ITIH4: variants seen among roughly 807,000 people sequenced by gnomAD.
ITIH4 encodes inter-alpha-trypsin inhibitor heavy chain 4.
A neutral mutation model predicts 111.8 loss-of-function variants in ITIH4; 79 were observed. The observed-to-expected ratio is 0.71, with a 90% CI of 0.59 to 0.85. ITIH4 has a LOEUF of 0.85. ITIH4 is among the 40% of genes least tolerant of loss of function. The pLI, the probability that ITIH4 is intolerant of heterozygous loss-of-function variation, is 0.00. For missense variants in ITIH4, 1,065 were observed against 1,195.8 expected (o/e 0.89, Z 1.61); for synonymous variants, 472 against 468.3 (o/e 1.01, Z -0.10).
At position 52,816,910 on chromosome 3, in the gene ITIH4, C is replaced by G; in HGVS notation, c.2445G>C (p.Lys815Asn). 1 of 1,613,994 alleles carries G rather than the reference C, an allele frequency of 6.2e-7. No homozygotes were observed. ...CGGGCATCACTGAGAATAGCGTCTC[C>G]TTCCACTTGTACGCAGAGCTTCTTC... ...RNRRSSAYKW[K>N]ETLFSVMPGL... Residue 815 changes from lysine to asparagine, a missense_variant, in exon 21 of 24, where the codon AAG (lysine) becomes AAC (asparagine). Transcript: ENST00000266041.
chr3:52,813,651 C>T (rs111263930), intron 23 of ITIH4, among the ~76,000 whole-genome samples, 161 bp from the exon 24 acceptor site: 28 of 152,298 alleles, frequency 1.8e-4, no homozygotes, highest in Middle Eastern at 3.4e-3. Context: ...TCACCCAGAG[C>T]ATTACCCTAG....
At chr3:52,813,641 T>A in intron 23 of ITIH4, 151 bp from the exon 24 acceptor site, 1 of 723,322 alleles carries the variant, frequency 1.4e-6, no homozygotes. Flanking sequence ...CAAGGCCCAG[T>A]CACCCAGAGC....
In ITIH4 at chr3:52,819,362, G is replaced by A. The variant is rs76006218; in HGVS notation, c.2077+31C>T. ...GGCTCAAGGACCACCGTGGGAAACCGAGGCCCTCGCAGGGCCGGAAGGCAG... is the reference window on the plus strand; with the variant it reads ...GGCTCAAGGACCACCGTGGGAAACCAAGGCCCTCGCAGGGCCGGAAGGCAG... On this transcript the variant is annotated intron_variant, in intron 17 of 23. Transcript: ENST00000266041. 7.3e-4 allele frequency: 1,181 copies of A among 1,613,264 alleles called. 3 individuals are homozygous for A. The African/African-American group carries it at 0.01, about 14-fold the overall frequency.
Position 52,821,135 on chromosome 3 carries a change from A to G in ITIH4, c.1540-5T>C. On this transcript the variant is annotated splice_region_variant and splice_polypyrimidine_tract_variant and intron_variant, in intron 11 of 23. Transcript: ENST00000266041. ...GAAAGTGATGTTCTGTGTAGGCTGG[A>G]AAGAGGGGCCCAGCCAGGGCAGGAG... 6.2e-7 allele frequency: 1 copy of G among 1,612,406 alleles called. No homozygotes were observed. Among genetic ancestry groups the G allele is most frequent in the East Asian group, 2.2e-5 (1 of 44,866 alleles).
chr3:52,828,959 T>C (rs1700525241), intron 2 of ITIH4, among the ~76,000 whole-genome samples, 160 bp downstream of exon 2: 1 of 152,132 alleles, frequency 6.6e-6, no homozygotes, highest in African/African-American at 2.4e-5. Flanking sequence ...ATAAGTCCTT[T>C]GGCAAGCCCC....
In ITIH4 at chr3:52,813,028, G is replaced by T; in HGVS notation, c.*393C>A. The T allele has an allele frequency of 6.5e-6, 1 of 154,514 alleles. No homozygotes were observed. Among genetic ancestry groups the T allele is most frequent in the African/African-American group, 2.8e-5 (1 of 36,322 alleles). The allele number at this position is 154,514 out of a possible 1,614,324, so 9.6% of individuals were successfully genotyped here. On this transcript the variant is annotated 3_prime_UTR_variant, in exon 24 of 24. Coordinates refer to ENST00000266041, the MANE Select transcript of ITIH4 (RefSeq NM_002218.5). Reference sequence around the variant, plus strand: ...GGTCCAAGAGACCATGAAGCAGACTGAACCTCTGCTCCTGGAGAATGCTCC... The same window carrying T: ...GGTCCAAGAGACCATGAAGCAGACTTAACCTCTGCTCCTGGAGAATGCTCC...
intron 1 of ITIH4, chr3:52,829,977 T>C (rs1700542335): frequency 4.3e-6 from 1 of 232,936 alleles, no homozygotes; most frequent in African/African-American, 2.3e-5. Flanking sequence ...TACCTGCTTG[T>C]GTGTGACATG....
At position 52,826,574 on chromosome 3, in the gene ITIH4, T is replaced by G. The variant is rs774903121; in HGVS notation, c.597A>C (p.Val199=). 2.5e-6 allele frequency: 4 copies of G among 1,614,108 alleles called. No individual in the cohort carries two copies. Among genetic ancestry groups the G allele is most frequent in the African/African-American group, 1.3e-5 (1 of 75,078 alleles). The change falls in exon 5 of 24, where the codon GTA becomes GTC. Residue 199 remains valine (V), a synonymous_variant. Coordinates refer to ENST00000266041, the MANE Select transcript of ITIH4 (RefSeq NM_002218.5). ...TESTFMTNQL[V]DALTTWQNKT... ...TATTCTGCCAGGTGGTGAGGGCGTC[T>G]ACCAGCTGGTTGGTCATGAAGGTGC...
chr3:52,820,770 A>G lies in ITIH4; in HGVS notation c.1695T>C (p.Asp565=), dbSNP rs1130869. The G allele has an allele frequency of 1.9e-6, 3 of 1,612,676 alleles. No homozygotes were observed. The highest frequency in any genetic ancestry group is 2.5e-6 in the Non-Finnish European group (3 of 1,179,248). The part of the protein sequence containing the change: ...QLLEQTVSAS[D]ADQQALRNQA... ...GGTTCCGGAGGGCCTGCTGATCAGC[A>G]TCGGATGCGGAGACACTGTAGGTGG... The change falls in exon 13 of 24, where the codon GAT becomes GAC. Residue 565 remains aspartate (D), a synonymous_variant. Transcript: ENST00000266041.
chr3:52,826,668 G>A lies in ITIH4; in HGVS notation c.520-17C>T, dbSNP rs768818609. The A allele has an allele frequency of 4.3e-5, 70 of 1,611,778 alleles. No homozygotes were observed. The highest frequency in any genetic ancestry group is 5.5e-5 in the Non-Finnish European group (65 of 1,178,116). On this transcript the variant is annotated splice_polypyrimidine_tract_variant and intron_variant, in intron 4 of 23. Coordinates refer to ENST00000266041, the MANE Select transcript of ITIH4 (RefSeq NM_002218.5). ...AATGTCCATCTGGAGGCAAGATGTG[G>A]GTCCCTGGGTCAGCCAGGAGCCTGG...
rs746212991 is a variant in ITIH4, at chr3:52,824,416, C to T, written c.1026G>A (p.Ala342=). 63 of 1,614,036 alleles carry T rather than the reference C, an allele frequency of 3.9e-5. No homozygotes were observed. In the South Asian group the frequency reaches 4.6e-4, roughly 12 times the overall value. ...ENVNKARSFA[A]GIQALGGTNI... ...ACTTACCTCCCAGGGCCTGGATGCC[C>T]GCAGCAAAGCTCCTGGCCTTGTTCA... The change falls in exon 8 of 24, where the codon GCG becomes GCA. Residue 342 remains alanine (A), a synonymous_variant. Coordinates refer to ENST00000266041, the MANE Select transcript of ITIH4 (RefSeq NM_002218.5). This position sits in a 1 kb window ranked among gnomAD's most constrained non-coding sequence, Gnocchi z 4.3.
At chr3:52,825,793 G>A (rs2154111602) in intron 6 of ITIH4, 93 bp downstream of exon 6, 3 of 1,409,698 alleles carry the variant, frequency 2.1e-6, no homozygotes, top group East Asian at 4.7e-5. Flanking sequence ...CTAAGTAAGG[G>A]TGGTTCTTTT....
rs1028870248 is a variant in ITIH4, at chr3:52,826,894, T to C, written c.416A>G (p.Lys139Arg). 5.6e-6 allele frequency: 9 copies of C among 1,613,992 alleles called. No homozygotes were observed. In the African/African-American group the frequency reaches 9.3e-5, roughly 17 times the overall value. The change falls in exon 4 of 24, where the codon AAG becomes AGG. Residue 139 changes from lysine to arginine, a missense_variant. Lys to Arg is a conservative substitution (Grantham distance 26). Transcript: ENST00000266041. ...QVSVSVAPNA[K>R]ITFELVYEEL... ...CTCATAGACCAGCTCAAAGGTGATC[T>C]TGGCATTGGGAGCCACACTGACCGA...
At chr3:52,825,829 G>C (rs1700470763) in intron 6 of ITIH4, 57 bp downstream of exon 6, 2 of 1,562,792 alleles carry the variant, frequency 1.3e-6, no homozygotes, top group Admixed American at 1.9e-5. Flanking sequence ...CCAAGCTCAG[G>C]CCCTTGGGGG....
chr3:52,820,220 G>A, intron 14 of ITIH4, 71 bp downstream of exon 14: 1 of 1,605,158 alleles, frequency 6.2e-7, no homozygotes, highest in Non-Finnish European at 8.5e-7. Flanking sequence ...CAACCTCACA[G>A]GGCTGGTGCC....
At chr3:52,820,928 C>A in intron 12 of ITIH4, 63 bp downstream of exon 12, 1 of 1,588,316 alleles carries the variant, frequency 6.3e-7, no homozygotes, top group Non-Finnish European at 8.6e-7. Flanking sequence ...TGCTTAGGCG[C>A]TGTACCGTGC....
Position 52,824,873 on chromosome 3 carries a change from C to T in ITIH4, c.845G>A (p.Ser282Asn). The T allele has an allele frequency of 2.5e-6, 4 of 1,614,090 alleles. No homozygotes were observed. The highest frequency in any genetic ancestry group is 1.3e-5 in the African/African-American group (1 of 75,058). The change falls in exon 7 of 24, where the codon AGC becomes AAC. Residue 282 changes from serine to asparagine, a missense_variant. Transcript: ENST00000266041. The surrounding 1 kb of genome is among the most constrained non-coding windows in gnomAD (Gnocchi z 4.3). Reference protein sequence around the residue: ...PKNVVFVIDKSGSMSGRKIQQ... With the variant: ...PKNVVFVIDKNGSMSGRKIQQ... ...GATTTTCCTGCCACTCATGGAGCCG[C>T]TCTTGTCAATGACAAAGACCACATT...
Position 52,816,954 on chromosome 3 carries a change from C to T in ITIH4, c.2401G>A (p.Val801Met), listed in dbSNP as rs367925711. ...CTTCTTCGGTTCCGAGTCACCACCACGTGTTCAGGGGATGCGTGAACCCAT... is the reference window on the plus strand; with the variant it reads ...CTTCTTCGGTTCCGAGTCACCACCATGTGTTCAGGGGATGCGTGAACCCAT... ...LVWVHASPEH[V>M]VVTRNRRSSA... Residue 801 changes from valine to methionine, a missense_variant, in exon 21 of 24, where the codon GTG becomes ATG. Coordinates refer to ENST00000266041, the MANE Select transcript of ITIH4 (RefSeq NM_002218.5). 148 of 1,613,952 alleles carry T rather than the reference C, an allele frequency of 9.2e-5. No individual in the cohort carries two copies. The highest frequency in any genetic ancestry group is 1.2e-4 in the Non-Finnish European group (140 of 1,179,970).
At chr3:52,820,039 G>C (rs1231176333) in intron 14 of ITIH4, 49 bp from the exon 15 acceptor site, 1 of 1,580,352 alleles carries the variant, frequency 6.3e-7, no homozygotes, top group Admixed American at 1.7e-5. Flanking sequence ...ACCTTCCTGT[G>C]GCCCCACTTG....
Sources: gnomAD v4.1 joint callset for allele counts (sites outside exome capture counted in the v4.1 genomes callset) on GRCh38, gnomAD v4.1.1 for gene constraint, Gnocchi (gnomAD v3.1) non-coding constraint, MANE v1.5 for transcripts, NCBI Gene and HGNC (gene_info 2026-07-23, HGNC 2026-07-21) for gene names.